The following CELF2 variants were observed in gnomAD, a reference collection of about 807,000 sequenced individuals.
CELF2 encodes CUG triplet repeat RNA-binding protein 2.
Under a neutral mutation model 62.6 loss-of-function variants are expected in CELF2, and 8 were observed. The ratio of observed to expected loss-of-function variants is 0.13; its 90% CI spans 0.07 to 0.23. CELF2 has a LOEUF of 0.23. Ranked by LOEUF, CELF2 falls within the 10% of genes least tolerant of loss-of-function variation. CELF2 has a pLI of 1.00. For synonymous variants in CELF2, 258 were observed against 250.0 expected (o/e 1.03, Z -0.30); for missense variants, 333 against 671.0 (o/e 0.50, Z 5.56).
At chr10:10,631,314 G>T in the CELF2 span, among the ~76,000 whole-genome samples, 1 of 152,178 alleles carries the variant, frequency 6.6e-6, no homozygotes, top group East Asian at 1.9e-4. Context: ...TTTGGAAATT[G>T]TCATTTGGAC....
intron 2 of CELF2, among the ~76,000 whole-genome samples, chr10:10,987,234 T>G (rs746246048): frequency 1.7e-4 from 25 of 150,576 alleles, no homozygotes; most frequent in Admixed American, 1.3e-4. Context: ...AGTGAAAACA[T>G]TGTAACAGCT....
chr10:11,091,249 C>T (rs970315290), intron 1 of CELF2, among the ~76,000 whole-genome samples: 5 of 152,148 alleles, frequency 3.3e-5, no homozygotes, highest in South Asian at 2.1e-4. Flanking sequence ...AATAAGTGGG[C>T]GTTGAGTCAA....
chr10:11,298,734 C>G (rs1203439977), intron 9 of CELF2, among the ~76,000 whole-genome samples: 1 of 150,808 alleles, frequency 6.6e-6, no homozygotes, highest in African/African-American at 2.4e-5. Flanking sequence ...TATACTGGTG[C>G]TTTTTTAAAA....
At chr10:11,235,197 C>T (rs972995967) in intron 3 of CELF2, among the ~76,000 whole-genome samples, 1 of 152,152 alleles carries the variant, frequency 6.6e-6, no homozygotes, top group Non-Finnish European at 1.5e-5. Flanking sequence ...AGGCAAGCTT[C>T]GCAAGTCCCC....
chr10:11,165,408 T>A lies in CELF2; in HGVS notation c.75-78T>A. The A allele has an allele frequency of 6.8e-7, 1 of 1,474,804 alleles. No individual in the cohort carries two copies. The allele number at this position is 1,474,804 out of a possible 1,614,324, so 91.4% of individuals were successfully genotyped here. ...CTTCCTCCTCCTTCCGCCTCCCCGC[T>A]CCCCCACCCCCACTATTTTTTCTTC... On this transcript the variant is annotated intron_variant, in intron 1 of 12. Coordinates refer to ENST00000633077, the MANE Select transcript of CELF2 (RefSeq NM_001326342.2). This position sits in a 1 kb window ranked among gnomAD's most constrained non-coding sequence, Gnocchi z 7.4.
chr10:11,288,350 T>C (rs2139639434), intron 8 of CELF2, 68 bp from the exon 9 acceptor site: 4 of 1,580,708 alleles, frequency 2.5e-6, no homozygotes, highest in Non-Finnish European at 3.4e-6. Flanking sequence ...TTGATGAGCC[T>C]GCTCTTGTTT....
intron 1 of CELF2, among the ~76,000 whole-genome samples, chr10:10,891,760 T>C (rs2062162145): frequency 6.6e-6 from 1 of 152,218 alleles, no homozygotes; most frequent in South Asian, 2.1e-4. Flanking sequence ...AGATCACCTC[T>C]GGCTTCTGGT....
chr10:10,817,540 T>C (rs968199683), intron 1 of CELF2, among the ~76,000 whole-genome samples: 2 of 152,168 alleles, frequency 1.3e-5, no homozygotes, highest in Admixed American at 6.5e-5. Context: ...ATTGTTTTGA[T>C]TTTTAGATCC....
At chr10:10,691,013 T>TA in the CELF2 span, among the ~76,000 whole-genome samples, 5 of 152,110 alleles carry the variant, frequency 3.3e-5, no homozygotes, top group Non-Finnish European at 7.3e-5. Flanking sequence ...GTGATTTTTT[T>TA]TTATTATTAT....
chr10:11,060,789 TTA>T (rs2066530115), intron 1 of CELF2, among the ~76,000 whole-genome samples: 1 of 152,234 alleles, frequency 6.6e-6, no homozygotes, highest in Non-Finnish European at 1.5e-5. Context: ...TCAAACTTTA[TTA>T]TAACTGTTAC....
intron 3 of CELF2, among the ~76,000 whole-genome samples, chr10:11,238,877 T>A (rs2072636619): frequency 6.6e-6 from 1 of 152,246 alleles, no homozygotes; most frequent in African/African-American, 2.4e-5. Flanking sequence ...TTCTTCTAAT[T>A]TTAACATTAA....
chr10:10,655,614 A>T, the CELF2 span, among the ~76,000 whole-genome samples: 7 of 122,532 alleles, frequency 5.7e-5, no homozygotes. Flanking sequence ...AAAAACGAGC[A>T]ATGGGGAAAT....
At chr10:10,944,549 C>T (rs773022480) in intron 2 of CELF2, among the ~76,000 whole-genome samples, 3 of 152,110 alleles carry the variant, frequency 2.0e-5, no homozygotes, top group Non-Finnish European at 4.4e-5. Context: ...GAGAGGTCCC[C>T]TCACAAGAAT....
intron 2 of CELF2, among the ~76,000 whole-genome samples, chr10:11,192,971 C>T (rs902044719): frequency 6.6e-6 from 1 of 152,214 alleles, no homozygotes; most frequent in African/African-American, 2.4e-5. Context: ...TCATTACATT[C>T]TCCACTGACT....
chr10:10,481,623 G>A, the CELF2 span, among the ~76,000 whole-genome samples: 51 of 152,246 alleles, frequency 3.3e-4, no homozygotes, highest in African/African-American at 1.2e-3. Flanking sequence ...ACCAGTACCT[G>A]GCCATTTGAA....
Position 11,329,178 on chromosome 10 carries a change from AT to A in CELF2, c.*130del. On this transcript the variant is annotated 3_prime_UTR_variant, in exon 13 of 13. Coordinates refer to ENST00000633077, the MANE Select transcript of CELF2 (RefSeq NM_001326342.2). The surrounding 1 kb of genome is among the most constrained non-coding windows in gnomAD (Gnocchi z 5.5). ...CCAACTTTTACCAAGAGAGACGGTT[AT>A]TTTTACAATAAGGCCTCCATGTCCC... is the stretch of plus-strand genomic sequence containing the variant. 1 of 1,032,166 alleles carries A rather than the reference AT, an allele frequency of 9.7e-7. No homozygotes were observed. Among genetic ancestry groups the A allele is most frequent in the Non-Finnish European group, 1.4e-6 (1 of 731,866 alleles). The allele number at this position is 1,032,166 out of a possible 1,614,324, so 63.9% of individuals were successfully genotyped here. A position where few individuals can be genotyped will look rare whatever the true frequency, so the allele number is the denominator to read the frequency against.
the CELF2 span, among the ~76,000 whole-genome samples, chr10:10,561,031 G>A: frequency 1.3e-5 from 2 of 149,694 alleles, no homozygotes; most frequent in African/African-American, 4.9e-5. Flanking sequence ...GAGTGGGAGG[G>A]GGGTGACAGA....
chr10:10,603,335 T>A, the CELF2 span, among the ~76,000 whole-genome samples: 2 of 151,230 alleles, frequency 1.3e-5, no homozygotes, highest in Non-Finnish European at 2.9e-5. Context: ...AAAAGGACAA[T>A]GAACTGGAGG....
At chr10:10,741,492 CAAAAAAA>C in the CELF2 span, among the ~76,000 whole-genome samples, 2 of 57,342 alleles carry the variant, frequency 3.5e-5, no homozygotes, top group Admixed American at 4.2e-4. Context: ...GACTCCGTCT[CAAAAAAA>C]AAAAAAAAAA....
Sources: gnomAD v4.1 joint callset for allele counts (sites outside exome capture counted in the v4.1 genomes callset) on GRCh38, gnomAD v4.1.1 for gene constraint, Gnocchi (gnomAD v3.1) non-coding constraint, MANE v1.5 for transcripts, NCBI Gene and HGNC (gene_info 2026-07-23, HGNC 2026-07-21) for gene names.